PHYHIPL: variants seen among roughly 807,000 people sequenced by gnomAD.
The protein encoded by PHYHIPL is phytanoyl-CoA 2-hydroxylase interacting protein like.
A neutral mutation model predicts 33.4 loss-of-function variants in PHYHIPL; 9 were observed. That is an observed-to-expected ratio of 0.27 (90% CI 0.16 to 0.47). The LOEUF is 0.47. Among genes scored for constraint, PHYHIPL ranks in the 20% least tolerant of loss-of-function variants. The pLI is 0.99. For missense variants in PHYHIPL, 365 were observed against 460.7 expected (o/e 0.79, Z 1.90); for synonymous variants, 153 against 154.1 (o/e 0.99, Z 0.05).
chr10:59,179,424 A>C (rs926551331), intron 1 of PHYHIPL, among the ~76,000 whole-genome samples: 1 of 152,180 alleles, frequency 6.6e-6, no homozygotes, highest in Non-Finnish European at 1.5e-5. Context: ...ATAATTTATG[A>C]TAGAATACAT....
At chr10:59,223,832 G>T (rs1383221881) in intron 1 of PHYHIPL, among the ~76,000 whole-genome samples, 1 of 151,700 alleles carries the variant, frequency 6.6e-6, no homozygotes, top group Middle Eastern at 3.2e-3. Context: ...GCTAATTTTT[G>T]GATTTTTTGT....
chr10:59,185,091 C>T (rs975799493), intron 1 of PHYHIPL, among the ~76,000 whole-genome samples: 165 of 149,166 alleles, frequency 1.1e-3, no homozygotes, highest in Non-Finnish European at 2.0e-3. Flanking sequence ...CCCAGGTTCA[C>T]GCCATTCTCC....
At chr10:59,233,040 T>G (rs1840123313) in intron 1 of PHYHIPL, among the ~76,000 whole-genome samples, 1 of 151,850 alleles carries the variant, frequency 6.6e-6, no homozygotes, top group Non-Finnish European at 1.5e-5. Context: ...CCAGGAGTTT[T>G]GTGGAGAGGA....
chr10:59,239,042 A>C (rs57694753), intron 4 of PHYHIPL, among the ~76,000 whole-genome samples: 3,236 of 151,824 alleles, frequency 0.021, 131 homozygotes, highest in African/African-American at 0.074. Flanking sequence ...TCCTCTTTTC[A>C]TGGGTCTTTT....
chr10:59,207,439 A>G (rs1267609943), intron 1 of PHYHIPL, among the ~76,000 whole-genome samples: 2 of 152,190 alleles, frequency 1.3e-5, no homozygotes, highest in Non-Finnish European at 2.9e-5. Flanking sequence ...CCCGCAAACC[A>G]GGAGATTCCC....
At chr10:59,200,023 CT>C (rs1188597048) in intron 1 of PHYHIPL, among the ~76,000 whole-genome samples, 2 of 152,156 alleles carry the variant, frequency 1.3e-5, no homozygotes, top group Non-Finnish European at 2.9e-5. Context: ...TTGACTTCCT[CT>C]TTTCCTAATT....
At chr10:59,239,990 A>G (rs1840342374) in intron 4 of PHYHIPL, among the ~76,000 whole-genome samples, 1 of 152,232 alleles carries the variant, frequency 6.6e-6, no homozygotes, top group Admixed American at 6.5e-5. Flanking sequence ...GCTGTGGAAA[A>G]TGCAACAGGA....
rs771105636 is a variant in PHYHIPL, at chr10:59,238,603, A to T, written c.494A>T (p.His165Leu). The T allele has an allele frequency of 1.2e-6, 2 of 1,607,320 alleles. No homozygotes were observed. The highest frequency in any genetic ancestry group is 8.5e-7 in the Non-Finnish European group (1 of 1,174,716). The change falls in exon 4 of 5, where the codon CAT becomes CTT. Residue 165 changes from histidine to leucine, a missense_variant. Transcript: ENST00000373880. The stretch of plus-strand genomic sequence containing the variant: ...TTTTTTCCAGACTATTCAAAAGTTC[A>T]TCTAACACAATTGTTGGAGAAGGCT... ...EFCTADYSKV[H>L]LTQLLEKAEV...
chr10:59,203,655 A>G (rs1193760725), intron 1 of PHYHIPL, among the ~76,000 whole-genome samples: 1 of 151,932 alleles, frequency 6.6e-6, no homozygotes, highest in African/African-American at 2.4e-5. Flanking sequence ...TTCTGAGCAA[A>G]CTATCGCAAG....
chr10:59,219,672 G>T (rs1375095421), intron 1 of PHYHIPL, among the ~76,000 whole-genome samples: 1 of 151,998 alleles, frequency 6.6e-6, no homozygotes, highest in Admixed American at 6.6e-5. Context: ...ACATGAATTT[G>T]CTTGTAGATG....
chr10:59,242,079 T>C (rs1840418381), intron 4 of PHYHIPL, among the ~76,000 whole-genome samples: 1 of 152,116 alleles, frequency 6.6e-6, no homozygotes, highest in South Asian at 2.1e-4. Flanking sequence ...ACCTCTATCC[T>C]CTCACATCTG....
chr10:59,174,520 G>A (rs954647101), upstream of PHYHIPL, among the ~76,000 whole-genome samples: 7 of 152,146 alleles, frequency 4.6e-5, no homozygotes, highest in African/African-American at 1.7e-4. Context: ...AATATCGAAA[G>A]TTAAAAAGTA....
chr10:59,180,137 G>A (rs959442025), intron 1 of PHYHIPL, among the ~76,000 whole-genome samples: 8 of 150,818 alleles, frequency 5.3e-5, no homozygotes, highest in Admixed American at 2.0e-4. Context: ...TAATATGGGA[G>A]CCCATTTACA....
intron 1 of PHYHIPL, among the ~76,000 whole-genome samples, chr10:59,233,332 A>C (rs765253863): frequency 6.6e-6 from 1 of 151,884 alleles, no homozygotes; most frequent in African/African-American, 2.4e-5. Flanking sequence ...CAAGGTGAAC[A>C]TTCACTGTTG....
chr10:59,183,584 C>A (rs2133182481), intron 1 of PHYHIPL: 4 of 897,230 alleles, frequency 4.5e-6, no homozygotes, highest in Middle Eastern at 1.1e-3. Context: ...TGGTCACATC[C>A]AACTTTAAAC....
intron 1 of PHYHIPL, among the ~76,000 whole-genome samples, chr10:59,213,590 T>A (rs946822391): frequency 5.9e-5 from 9 of 152,148 alleles, no homozygotes; most frequent in African/African-American, 2.2e-4. Context: ...GGGATAGTAG[T>A]CAAAACTTTG....
At chr10:59,183,523 T>G (rs1357442465) in intron 1 of PHYHIPL, 1 of 292,838 alleles carries the variant, frequency 3.4e-6, no homozygotes, top group African/African-American at 2.3e-5. Flanking sequence ...TAACTTCAGT[T>G]TTACAGTGAC....
chr10:59,197,842 T>C (rs964202730), intron 1 of PHYHIPL, among the ~76,000 whole-genome samples: 4 of 152,140 alleles, frequency 2.6e-5, no homozygotes, highest in Admixed American at 6.6e-5. Flanking sequence ...GTGCTCCTCT[T>C]ACATATTATT....
chr10:59,176,022 G>T (rs573895194), upstream of PHYHIPL, among the ~76,000 whole-genome samples: 1 of 152,140 alleles, frequency 6.6e-6, no homozygotes, highest in Admixed American at 6.5e-5. Context: ...CGTTTGCCCC[G>T]CTTCAGTGTC....
Sources: gnomAD v4.1 joint callset for allele counts (sites outside exome capture counted in the v4.1 genomes callset) on GRCh38, gnomAD v4.1.1 for gene constraint, MANE v1.5 for transcripts, NCBI Gene and HGNC (gene_info 2026-07-23, HGNC 2026-07-21) for gene names.